The following EEFSEC variants were observed in gnomAD, a reference collection of about 807,000 sequenced individuals.
EEFSEC encodes eukaryotic elongation factor, selenocysteine-tRNA specific.
EEFSEC carries 43 observed loss-of-function variants against 42.1 expected under a neutral mutation model. The ratio of observed to expected loss-of-function variants is 1.02; its 90% CI spans 0.80 to 1.32. EEFSEC has a LOEUF of 1.32. Among genes scored for constraint, EEFSEC ranks in the 40% most tolerant of loss-of-function variants. The pLI, the probability that EEFSEC is intolerant of heterozygous loss-of-function variation, is 0.00. For missense variants in EEFSEC, 745 were observed against 803.6 expected, an observed-to-expected ratio of 0.93 and a Z score of 0.88; for synonymous variants, 354 against 339.1, an observed-to-expected ratio of 1.04 and a Z score of -0.48.
chr3:128,388,809 G>C (rs1255230021), intron 6 of EEFSEC, among the ~76,000 whole-genome samples: 1 of 152,222 alleles, frequency 6.6e-6, no homozygotes, highest in Non-Finnish European at 1.5e-5. Flanking sequence ...TCCAGAAGAC[G>C]TGAAATGGAG....
chr3:128,221,093 T>G (rs1473786069), intron 1 of EEFSEC, among the ~76,000 whole-genome samples: 1 of 152,230 alleles, frequency 6.6e-6, no homozygotes, highest in Non-Finnish European at 1.5e-5. Flanking sequence ...TGTGCCACAC[T>G]TGCACCTTGC....
intron 4 of EEFSEC, among the ~76,000 whole-genome samples, chr3:128,320,036 GTGTCC>G (rs2066990190): frequency 6.6e-6 from 1 of 152,248 alleles, no homozygotes. Context: ...ACTGTTTACA[GTGTCC>G]TGCCTCGGTG....
chr3:128,315,472 C>G (rs1226945984), intron 4 of EEFSEC, among the ~76,000 whole-genome samples: 2 of 152,166 alleles, frequency 1.3e-5, no homozygotes, highest in Non-Finnish European at 2.9e-5. Context: ...GGCCCTTGCT[C>G]AAGGCCACAC....
intron 1 of EEFSEC, among the ~76,000 whole-genome samples, chr3:128,223,686 A>G (rs1261425931): frequency 6.6e-6 from 1 of 152,244 alleles, no homozygotes; most frequent in Non-Finnish European, 1.5e-5. Flanking sequence ...AGTGACAACA[A>G]CACAGAAATG....
chr3:128,272,297 G>T (rs1330988498), intron 4 of EEFSEC, among the ~76,000 whole-genome samples: 2 of 152,216 alleles, frequency 1.3e-5, no homozygotes, highest in South Asian at 2.1e-4. Flanking sequence ...GCAGCGGCTT[G>T]TTACCTGACT....
intron 1 of EEFSEC, among the ~76,000 whole-genome samples, chr3:128,184,158 C>T (rs571829929): frequency 1.3e-5 from 2 of 152,190 alleles, no homozygotes; most frequent in Admixed American, 1.3e-4. Flanking sequence ...TATTTTCTTC[C>T]AAGTTAAAAA....
At chr3:128,250,668 A>G (rs1449753393) in intron 2 of EEFSEC, among the ~76,000 whole-genome samples, 2 of 152,192 alleles carry the variant, frequency 1.3e-5, no homozygotes, top group African/African-American at 4.8e-5. Flanking sequence ...AAAGTCAGAA[A>G]GTATGACTCT....
At chr3:128,380,403 A>C (rs556583493) in intron 6 of EEFSEC, among the ~76,000 whole-genome samples, 2 of 152,326 alleles carry the variant, frequency 1.3e-5, no homozygotes, top group African/African-American at 4.8e-5. Context: ...ACAGATGTGA[A>C]CTTTTTGTCA....
chr3:128,343,878 A>T (rs1400993146), intron 5 of EEFSEC, among the ~76,000 whole-genome samples: 1 of 152,240 alleles, frequency 6.6e-6, no homozygotes, highest in East Asian at 1.9e-4. Flanking sequence ...AAGCACAAGA[A>T]CTGTAGGCAG....
chr3:128,225,975 A>G (rs1178330777), intron 1 of EEFSEC, among the ~76,000 whole-genome samples: 1 of 152,172 alleles, frequency 6.6e-6, no homozygotes, highest in Admixed American at 6.5e-5. Context: ...TTCTAGTTTC[A>G]GTTGAAGAGA....
At chr3:128,164,351 C>T (rs1009000237) in intron 1 of EEFSEC, among the ~76,000 whole-genome samples, 1 of 152,118 alleles carries the variant, frequency 6.6e-6, no homozygotes, top group Non-Finnish European at 1.5e-5. Flanking sequence ...GGGCTTTGAT[C>T]GAGATGGGCA....
At chr3:128,218,279 C>T (rs1197042069) in intron 1 of EEFSEC, among the ~76,000 whole-genome samples, 1 of 152,202 alleles carries the variant, frequency 6.6e-6, no homozygotes, top group Non-Finnish European at 1.5e-5. Context: ...CAGACATAGA[C>T]TGTAAGAACT....
chr3:128,388,351 G>A (rs549590916), intron 6 of EEFSEC, among the ~76,000 whole-genome samples: 31 of 152,232 alleles, frequency 2.0e-4, no homozygotes, highest in African/African-American at 7.2e-4. Context: ...ACCCCTTCTC[G>A]GACCCCTCAA....
chr3:128,313,280 A>G (rs2066910108), intron 4 of EEFSEC, among the ~76,000 whole-genome samples: 1 of 152,222 alleles, frequency 6.6e-6, no homozygotes, highest in African/African-American at 2.4e-5. Context: ...TGTCTGGGTA[A>G]CCATTTGTGA....
At chr3:128,241,186 CCTCT>C (rs1553745908) in intron 1 of EEFSEC, among the ~76,000 whole-genome samples, 3 of 139,682 alleles carry the variant, frequency 2.1e-5, no homozygotes, top group Admixed American at 8.2e-5. Context: ...AAGCCTTTGT[CCTCT>C]CTCTCTCTCT....
intron 2 of EEFSEC, among the ~76,000 whole-genome samples, chr3:128,253,029 C>CA (rs1270880266): frequency 6.6e-6 from 1 of 152,202 alleles, no homozygotes; most frequent in Non-Finnish European, 1.5e-5. Flanking sequence ...CTCCCTTGTA[C>CA]AGCCAGAAGC....
intron 6 of EEFSEC, among the ~76,000 whole-genome samples, chr3:128,398,217 G>T (rs1455193796): frequency 6.6e-6 from 1 of 152,196 alleles, no homozygotes; most frequent in African/African-American, 2.4e-5. Context: ...TTGGCCCTAG[G>T]GGAAGGCTGG....
At chr3:128,369,460 A>G (rs1016958288) in intron 6 of EEFSEC, among the ~76,000 whole-genome samples, 1 of 152,084 alleles carries the variant, frequency 6.6e-6, no homozygotes, top group African/African-American at 2.4e-5. Context: ...TGTCCTTGGG[A>G]TTTCATTAGC....
rs138732185 is a variant in EEFSEC, at chr3:128,360,318, G to A, written c.1600+1945G>A. ...GGGGGCATGAGCCAGACAGGCCAGCGTCCAGACCTCAGTCCCCAAGGGCCT... is the reference window on the plus strand; with the variant it reads ...GGGGGCATGAGCCAGACAGGCCAGCATCCAGACCTCAGTCCCCAAGGGCCT... On this transcript the variant is annotated intron_variant, in intron 6 of 6. Coordinates refer to ENST00000254730, the MANE Select transcript of EEFSEC (RefSeq NM_021937.5). 6.9e-3 allele frequency among the ~76,000 whole-genome samples: 1,047 copies of A among 152,336 alleles called. 3 individuals carry two copies. The highest frequency in any genetic ancestry group is 0.011 in the South Asian group (51 of 4,826).
Sources: gnomAD v4.1 joint callset for allele counts (sites outside exome capture counted in the v4.1 genomes callset) on GRCh38, gnomAD v4.1.1 for gene constraint, MANE v1.5 for transcripts, NCBI Gene and HGNC (gene_info 2026-07-23, HGNC 2026-07-21) for gene names.